GPHN: variants seen among roughly 807,000 people sequenced by gnomAD.
GPHN encodes the protein gephyrin.
A neutral mutation model predicts 95.5 loss-of-function variants in GPHN; 17 were observed. That is an observed-to-expected ratio of 0.18 (90% CI 0.12 to 0.27). GPHN has a LOEUF of 0.27. Among genes scored for constraint, GPHN ranks in the 10% least tolerant of loss-of-function variants. The pLI is 1.00. For synonymous variants in GPHN, 320 were observed against 322.5 expected (o/e 0.99, Z 0.08); for missense variants, 660 against 978.1 (o/e 0.67, Z 4.34).
chr14:67,681,235 G>A, the GPHN span, among the ~76,000 whole-genome samples: 17 of 152,304 alleles, frequency 1.1e-4, no homozygotes, highest in Admixed American at 2.6e-4. Flanking sequence ...AGTCAGGAAG[G>A]CAGGCCTCAC....
At chr14:67,457,880 G>A in the GPHN span, among the ~76,000 whole-genome samples, 1 of 152,238 alleles carries the variant, frequency 6.6e-6, no homozygotes, top group African/African-American at 2.4e-5. Context: ...GGAGCAGCAG[G>A]CTGGCTGGCC....
chr14:67,460,433 A>C, the GPHN span, among the ~76,000 whole-genome samples: 1 of 152,292 alleles, frequency 6.6e-6, no homozygotes, highest in South Asian at 2.1e-4. Flanking sequence ...TGCCAGGCGC[A>C]GTGGCTCACA....
intron 2 of GPHN, among the ~76,000 whole-genome samples, chr14:66,699,725 A>G (rs1426417051): frequency 2.6e-5 from 4 of 152,192 alleles, no homozygotes; most frequent in Non-Finnish European, 5.9e-5. Flanking sequence ...TACTATTTGT[A>G]TAAATGATGG....
chr14:66,980,499 T>A (rs1158673661), intron 9 of GPHN, among the ~76,000 whole-genome samples: 1 of 152,238 alleles, frequency 6.6e-6, no homozygotes, highest in Non-Finnish European at 1.5e-5. Flanking sequence ...ATGGGTTTTA[T>A]AATTTCTTTT....
the GPHN span, among the ~76,000 whole-genome samples, chr14:67,708,890 T>G: frequency 6.6e-6 from 1 of 151,846 alleles, no homozygotes; most frequent in African/African-American, 2.4e-5. Flanking sequence ...CCCCTCAGGT[T>G]CAAGTGATTC....
intron 1 of GPHN, among the ~76,000 whole-genome samples, chr14:66,539,138 C>T (rs1301741439): frequency 6.6e-6 from 1 of 152,096 alleles, no homozygotes; most frequent in East Asian, 1.9e-4. Flanking sequence ...TTGAGATTAG[C>T]CCGGTAATCT....
chr14:67,099,526 A>T (rs1366312166), intron 12 of GPHN, among the ~76,000 whole-genome samples: 1 of 149,696 alleles, frequency 6.7e-6, no homozygotes, highest in Non-Finnish European at 1.5e-5. Flanking sequence ...ACAAGTAAAA[A>T]CTGAACAATG....
the GPHN span, among the ~76,000 whole-genome samples, chr14:67,342,787 CCAAG>C: frequency 6.6e-6 from 1 of 151,110 alleles, no homozygotes; most frequent in Non-Finnish European, 1.5e-5. Context: ...ATAGAAATTC[CCAAG>C]CAAAGGAATT....
At chr14:67,204,648 A>T in the GPHN span, 1 of 1,613,804 alleles carries the variant, frequency 6.2e-7, no homozygotes, top group Non-Finnish European at 8.5e-7. Context: ...GCACCTCTGC[A>T]TATAAACAGG....
At chr14:67,238,842 C>T in the GPHN span, among the ~76,000 whole-genome samples, 1 of 151,932 alleles carries the variant, frequency 6.6e-6, no homozygotes, top group Admixed American at 6.6e-5. Flanking sequence ...GGGTTTTTGC[C>T]ATGTTGCCAA....
At chr14:67,485,221 C>T in the GPHN span, among the ~76,000 whole-genome samples, 1 of 152,316 alleles carries the variant, frequency 6.6e-6, no homozygotes, top group African/African-American at 2.4e-5. Context: ...TGCCTCCCAT[C>T]TGAGGAACGA....
chr14:66,757,298 C>T (rs2058592465), intron 2 of GPHN, among the ~76,000 whole-genome samples: 2 of 151,870 alleles, frequency 1.3e-5, no homozygotes, highest in African/African-American at 4.8e-5. Flanking sequence ...AAAATATGCA[C>T]AATAGTGTGT....
chr14:67,373,388 G>A, the GPHN span, among the ~76,000 whole-genome samples: 1 of 152,156 alleles, frequency 6.6e-6, no homozygotes, highest in African/African-American at 2.4e-5. Context: ...TATATGAACA[G>A]AATATAGGAG....
intron 4 of GPHN, among the ~76,000 whole-genome samples, chr14:66,865,715 C>T (rs1253120507): frequency 2.0e-5 from 3 of 151,988 alleles, no homozygotes; most frequent in African/African-American, 7.3e-5. Flanking sequence ...AATTTTTATT[C>T]TGTGAAAAGA....
the GPHN span, among the ~76,000 whole-genome samples, chr14:67,367,808 C>T: frequency 6.6e-6 from 1 of 151,482 alleles, no homozygotes; most frequent in Non-Finnish European, 1.5e-5. Flanking sequence ...TGCACTCCAA[C>T]CTGGGTGATA....
chr14:66,637,273 A>T (rs1411357703), intron 1 of GPHN, among the ~76,000 whole-genome samples: 1 of 152,156 alleles, frequency 6.6e-6, no homozygotes, highest in Non-Finnish European at 1.5e-5. Flanking sequence ...ATAAAATACA[A>T]AATCTTTGCA....
the GPHN span, among the ~76,000 whole-genome samples, chr14:67,418,244 C>T: frequency 6.6e-6 from 1 of 152,168 alleles, no homozygotes; most frequent in Non-Finnish European, 1.5e-5. Flanking sequence ...ACACAGCTAG[C>T]ATATGGTCGA....
At chr14:67,560,727 CT>C in the GPHN span, among the ~76,000 whole-genome samples, 1,870 of 126,386 alleles carry the variant, frequency 0.015, 39 homozygotes, top group African/African-American at 0.05. Flanking sequence ...GAACATATAT[CT>C]TTTTTTTTTT....
At chr14:66,766,525 G>A (rs2058968060) in intron 2 of GPHN, among the ~76,000 whole-genome samples, 1 of 152,020 alleles carries the variant, frequency 6.6e-6, no homozygotes, top group South Asian at 2.1e-4. Flanking sequence ...ATTAGAAAAT[G>A]CCACATTGAA....
Sources: gnomAD v4.1 joint callset for allele counts (sites outside exome capture counted in the v4.1 genomes callset) on GRCh38, gnomAD v4.1.1 for gene constraint, MANE v1.5 for transcripts, NCBI Gene and HGNC (gene_info 2026-07-23, HGNC 2026-07-21) for gene names.